The following RABGAP1L variants were observed in gnomAD, a reference collection of about 807,000 sequenced individuals.
RABGAP1L encodes the protein RAB GTPase activating protein 1 like.
In RABGAP1L, 63 loss-of-function variants were observed where a neutral mutation model predicts 137.7. That is an observed-to-expected ratio of 0.46 (90% CI 0.37 to 0.56). RABGAP1L has a LOEUF of 0.56. Ranked by LOEUF, RABGAP1L falls within the 20% of genes least tolerant of loss-of-function variation. The pLI is 0.00. For missense variants in RABGAP1L, 1,095 were observed against 1,244.0 expected (o/e 0.88, Z 1.80); for synonymous variants, 431 against 433.7 (o/e 0.99, Z 0.08).
At chr1:174,851,146 G>C (rs1305091869) in intron 19 of RABGAP1L, among the ~76,000 whole-genome samples, 1 of 152,228 alleles carries the variant, frequency 6.6e-6, no homozygotes. Flanking sequence ...CTATGGGGAT[G>C]TGAGATAATA....
At chr1:174,542,298 A>G (rs1053729858) in intron 13 of RABGAP1L, among the ~76,000 whole-genome samples, 16 of 152,166 alleles carry the variant, frequency 1.1e-4, no homozygotes, top group Non-Finnish European at 2.4e-4. Context: ...TCAGGGATTC[A>G]ACTTCTTCCT....
chr1:174,629,223 G>A (rs1441701513), intron 13 of RABGAP1L, among the ~76,000 whole-genome samples: 1 of 152,180 alleles, frequency 6.6e-6, no homozygotes, highest in Non-Finnish European at 1.5e-5. Context: ...ACTCTCAACT[G>A]TTATGGGTAA....
intron 17 of RABGAP1L, among the ~76,000 whole-genome samples, chr1:174,719,450 A>G (rs1487362931): frequency 6.6e-6 from 1 of 152,164 alleles, no homozygotes; most frequent in Non-Finnish European, 1.5e-5. Context: ...CAATCAGTCA[A>G]CAAGCATCTA....
chr1:174,932,716 C>T (rs1317084083), intron 19 of RABGAP1L, among the ~76,000 whole-genome samples: 2 of 152,070 alleles, frequency 1.3e-5, no homozygotes. Flanking sequence ...TATATAGAAT[C>T]ATGATTTCCT....
At chr1:174,954,527 A>T (rs1558277577) in intron 19 of RABGAP1L, among the ~76,000 whole-genome samples, 1 of 151,600 alleles carries the variant, frequency 6.6e-6, no homozygotes, top group Non-Finnish European at 1.5e-5. Flanking sequence ...TCTTACATGT[A>T]AAAAAAAATT....
intron 13 of RABGAP1L, among the ~76,000 whole-genome samples, chr1:174,517,635 G>C (rs191317719): frequency 6.6e-6 from 1 of 152,104 alleles, no homozygotes; most frequent in Non-Finnish European, 1.5e-5. Flanking sequence ...TATAGCTATT[G>C]AATGTAAATG....
intron 13 of RABGAP1L, among the ~76,000 whole-genome samples, chr1:174,543,549 A>G (rs998712572): frequency 4.6e-5 from 7 of 152,272 alleles, no homozygotes; most frequent in South Asian, 2.1e-4. Context: ...TCTTTATCCA[A>G]TTTAACAGTC....
intron 14 of RABGAP1L, among the ~76,000 whole-genome samples, chr1:174,641,004 TA>T (rs1674494231): frequency 6.8e-6 from 1 of 147,754 alleles, no homozygotes; most frequent in Non-Finnish European, 1.5e-5. Context: ...TTATATTAAT[TA>T]AATATAATTA....
intron 1 of RABGAP1L, among the ~76,000 whole-genome samples, chr1:174,180,135 T>C (rs1448113417): frequency 6.6e-6 from 1 of 152,202 alleles, no homozygotes; most frequent in Non-Finnish European, 1.5e-5. Flanking sequence ...ACTGATCCTG[T>C]ATAAGAATAG....
Position 174,992,799 on chromosome 1 carries a change from TTA to T in RABGAP1L, c.*2799_*2800del, listed in dbSNP as rs1362579583. 6.6e-6 allele frequency: 1 copy of T among 152,210 alleles called. No homozygotes were observed. The highest frequency in any genetic ancestry group is 1.5e-5 in the Non-Finnish European group (1 of 68,032). The allele number at this position is 152,210 out of a possible 1,614,324, so 9.4% of individuals were successfully genotyped here. Reference sequence around the variant, plus strand: ...CATGAAGTAACTCCTAGTTTTAATTTTAGTTATTTTGAGATATATTTGAGAAT... The same window carrying T: ...CATGAAGTAACTCCTAGTTTTAATTTGTTATTTTGAGATATATTTGAGAAT... On this transcript the variant is annotated 3_prime_UTR_variant, in exon 26 of 26. Coordinates refer to ENST00000681986, the MANE Select transcript of RABGAP1L (RefSeq NM_001366446.1).
At chr1:174,596,664 A>T (rs917428956) in intron 13 of RABGAP1L, among the ~76,000 whole-genome samples, 1 of 152,182 alleles carries the variant, frequency 6.6e-6, no homozygotes, top group Non-Finnish European at 1.5e-5. Context: ...TCTGCAAAGA[A>T]GGATAATTTG....
At chr1:174,345,523 C>A (rs1222912841) in intron 11 of RABGAP1L, among the ~76,000 whole-genome samples, 1 of 151,966 alleles carries the variant, frequency 6.6e-6, no homozygotes, top group Non-Finnish European at 1.5e-5. Flanking sequence ...TAAGTTAATT[C>A]ATAGGTATTT....
intron 18 of RABGAP1L, among the ~76,000 whole-genome samples, chr1:174,783,179 T>C (rs1315562341): frequency 2.0e-5 from 3 of 152,124 alleles, no homozygotes; most frequent in Non-Finnish European, 4.4e-5. Flanking sequence ...CCATTGCCCC[T>C]CCTGATGGGG....
chr1:174,596,277 G>A (rs1332073597), intron 13 of RABGAP1L, among the ~76,000 whole-genome samples: 3 of 150,478 alleles, frequency 2.0e-5, no homozygotes, highest in Admixed American at 6.6e-5. Flanking sequence ...AGATGAACCC[G>A]GTACCTCAGA....
At position 174,805,470 on chromosome 1, in the gene RABGAP1L, C is replaced by T. The variant is rs577814852; in HGVS notation, c.2212-6362C>T. 2.6e-5 allele frequency among the ~76,000 whole-genome samples: 4 copies of T among 152,216 alleles called. No homozygotes were observed. The East Asian group carries it at 7.7e-4, about 29-fold the overall frequency. On this transcript the variant is annotated intron_variant, in intron 18 of 25. Transcript: ENST00000681986. The stretch of plus-strand genomic sequence containing the variant: ...AAAAGACGGTTGTGTAGTAGAGCCA[C>T]TAATTTCAAAAAGTTATCCTTTATT...
intron 4 of RABGAP1L, 51 bp from the exon 5 acceptor site, chr1:174,241,432 T>G: frequency 7.7e-7 from 1 of 1,297,328 alleles, no homozygotes; most frequent in Admixed American, 2.6e-5. Context: ...AAATATGTCT[T>G]TGTTCTTCGA....
chr1:174,304,428 A>G (rs1040228689), intron 10 of RABGAP1L, among the ~76,000 whole-genome samples: 2 of 151,854 alleles, frequency 1.3e-5, no homozygotes, highest in African/African-American at 4.8e-5. Context: ...TATATAATTT[A>G]TAATTTGATT....
At chr1:174,705,153 T>C (rs764790832) in intron 17 of RABGAP1L, 33 of 152,160 alleles carry the variant, frequency 2.2e-4, no homozygotes, top group Non-Finnish European at 2.8e-4. Flanking sequence ...AAAATTAATG[T>C]GCTTAATCAT....
At position 174,779,207 on chromosome 1, in the gene RABGAP1L, T is replaced by G. The variant is rs574510075; in HGVS notation, c.2211+26853T>G. ...CCTAAAAACATCTTTATCTCATATA[T>G]CATCTCCCCTTTTCTTTGTATAATA... is the stretch of plus-strand genomic sequence containing the variant. On this transcript the variant is annotated intron_variant, in intron 18 of 25. Coordinates refer to ENST00000681986, the MANE Select transcript of RABGAP1L (RefSeq NM_001366446.1). 1.4e-4 allele frequency among the ~76,000 whole-genome samples: 21 copies of G among 152,298 alleles called. No individual in the cohort carries two copies. The South Asian group carries it at 4.4e-3, about 32-fold the overall frequency.
Sources: allele counts gnomAD v4.1 joint callset (sites outside exome capture counted in the v4.1 genomes callset), GRCh38; gene constraint gnomAD v4.1.1; transcripts MANE v1.5; gene names NCBI Gene and HGNC (gene_info 2026-07-23, HGNC 2026-07-21).